The following PCDHGB5 variants were observed in gnomAD, a reference collection of about 807,000 sequenced individuals.
The protein encoded by PCDHGB5 is protocadherin gamma subfamily B, 5.
PCDHGB5 carries 48 observed loss-of-function variants against 62.9 expected under a neutral mutation model. That is an observed-to-expected ratio of 0.76 (90% CI 0.61 to 0.97). The LOEUF (loss-of-function observed/expected upper bound fraction) is 0.97. PCDHGB5 is among the 50% of genes least tolerant of loss of function. The probability of loss-of-function intolerance (pLI) is 0.00; values close to 1 mark genes in which losing one functional copy is unlikely to be tolerated. For synonymous variants in PCDHGB5, 474 were observed against 511.2 expected (o/e 0.93, Z 0.98); for missense variants, 1,118 against 1,198.6 (o/e 0.93, Z 0.99).
intron 1 of PCDHGB5, chr5:141,430,959 T>A: frequency 6.2e-7 from 1 of 1,612,026 alleles, no homozygotes; most frequent in Non-Finnish European, 8.5e-7. Flanking sequence ...GTCCGCATCA[T>A]CCCCAGAGGT....
chr5:141,434,747 C>T (rs2097714000), intron 1 of PCDHGB5, among the ~76,000 whole-genome samples: 1 of 151,606 alleles, frequency 6.6e-6, no homozygotes, highest in South Asian at 2.1e-4. Flanking sequence ...GCTATGAGAC[C>T]CCTGATTCCC....
At position 141,398,812 on chromosome 5, in the gene PCDHGB5, C is replaced by T. The variant is rs1255452758; in HGVS notation, c.685C>T (p.Arg229Trp). ...ACCCCTAAGCGGCACCACTGAGCTC[C>T]GGATCCAGGTAACCGACGCCAATGA... ...HPPLSGTTEL[R>W]IQVTDANDNP... Residue 229 changes from arginine (R) to tryptophan (W), a missense_variant, in exon 1 of 4, where the codon CGG becomes TGG. Physicochemically the swap from Arg to Trp is moderately radical, Grantham distance 101 (BLOSUM62 -3). This residue lies in a region of PCDHGB5 where 1,034 missense variants were observed against 1,029.1 expected (regional missense o/e 1.00). Transcript: ENST00000617380. 1.9e-6 allele frequency: 3 copies of T among 1,613,824 alleles called. No homozygotes were observed. Among genetic ancestry groups the T allele is most frequent in the Admixed American group, 3.3e-5 (2 of 60,012 alleles).
chr5:141,427,483 A>G lies in PCDHGB5; in HGVS notation c.2397+26959A>G, dbSNP rs759092057. The G allele has an allele frequency of 1.5e-4, 79 of 535,350 alleles. 2 individuals carry two copies. The highest frequency in any genetic ancestry group is 1.1e-3 in the South Asian group (73 of 65,268). 33.2% of individuals were successfully genotyped at this position (535,350 alleles called of 1,614,324 possible). ...ATCGAATCTTCCGCCAATAATGACT[A>G]TAAGCTTGTAACAGATGGGACCCTG... On this transcript the variant is annotated intron_variant, in intron 1 of 3. Coordinates refer to ENST00000617380, the MANE Select transcript of PCDHGB5 (RefSeq NM_018925.3).
Position 141,489,764 on chromosome 5 carries a change from A to G in PCDHGB5, c.2398-5043A>G. ...GTGAGCTTTTACACTCTAAGCCCCA[A>G]CAGCCACTTCTCTCTGAATGTGAAG... is the stretch of plus-strand genomic sequence containing the variant. On this transcript the variant is annotated intron_variant, in intron 1 of 3. Transcript: ENST00000617380. The surrounding 1 kb of genome is among the most constrained non-coding windows in gnomAD (Gnocchi z 4.5). 2 of 1,613,556 alleles carry G rather than the reference A, an allele frequency of 1.2e-6. No homozygotes were observed. The highest frequency in any genetic ancestry group is 1.7e-6 in the Non-Finnish European group (2 of 1,179,894).
At chr5:141,501,718 A>G (rs914077060) in intron 2 of PCDHGB5, among the ~76,000 whole-genome samples, 1 of 152,152 alleles carries the variant, frequency 6.6e-6, no homozygotes, top group Non-Finnish European at 1.5e-5. Flanking sequence ...AAAAAGACAA[A>G]TATATTACCC....
intron 1 of PCDHGB5, among the ~76,000 whole-genome samples, chr5:141,474,379 T>A (rs1451968368): frequency 6.6e-6 from 1 of 152,208 alleles, no homozygotes; most frequent in Non-Finnish European, 1.5e-5. Flanking sequence ...GAGGAGGGCA[T>A]TTCTGCATTT....
chr5:141,478,249 A>T, intron 1 of PCDHGB5: 1 of 1,614,110 alleles, frequency 6.2e-7, no homozygotes, highest in African/African-American at 1.3e-5. Context: ...CAGTGTTCGG[A>T]GTAATCATAT....
At chr5:141,433,391 CTA>C (rs1477426085) in intron 1 of PCDHGB5, among the ~76,000 whole-genome samples, 3 of 151,570 alleles carry the variant, frequency 2.0e-5, no homozygotes, top group African/African-American at 7.3e-5. Context: ...ATCTATCTAT[CTA>C]TCTATCTATC....
chr5:141,422,535 A>T lies in PCDHGB5; in HGVS notation c.2397+22011A>T, dbSNP rs760963618. On this transcript the variant is annotated intron_variant, in intron 1 of 3. Transcript: ENST00000617380. ...AGGGAAGCCCGCCTTTGTCTGCAGA[A>T]ACTCATGTCTGGCTGAATGTGGCAG... 20 of 1,613,826 alleles carry T rather than the reference A, an allele frequency of 1.2e-5. 1 individual carries two copies. Among genetic ancestry groups the T allele is most frequent in the Non-Finnish European group, 8.5e-7 (1 of 1,179,882 alleles).
intron 1 of PCDHGB5, chr5:141,418,385 G>T: frequency 6.2e-7 from 1 of 1,613,930 alleles, no homozygotes; most frequent in Non-Finnish European, 8.5e-7. Context: ...AAGTCCTAAC[G>T]AGTATTTCTC....
Position 141,485,633 on chromosome 5 carries a change from T to C in PCDHGB5, c.2398-9174T>C. 2 of 1,611,808 alleles carry C rather than the reference T, an allele frequency of 1.2e-6. No homozygotes were observed. Among genetic ancestry groups the C allele is most frequent in the South Asian group, 1.1e-5 (1 of 90,962 alleles). On this transcript the variant is annotated intron_variant, in intron 1 of 3. Coordinates refer to ENST00000617380, the MANE Select transcript of PCDHGB5 (RefSeq NM_018925.3). The surrounding 1 kb of genome is among the most constrained non-coding windows in gnomAD (Gnocchi z 5.7). Reference sequence around the variant, plus strand: ...AGCTCCTCCAGGACAGCGTTTCCCGTTGGAAAAGGCTCAGGATGCAGATGT... The same window carrying C: ...AGCTCCTCCAGGACAGCGTTTCCCGCTGGAAAAGGCTCAGGATGCAGATGT...
chr5:141,413,723 C>G, intron 1 of PCDHGB5: 1 of 1,613,552 alleles, frequency 6.2e-7, no homozygotes, highest in Non-Finnish European at 8.5e-7. Context: ...AAGCACTTCT[C>G]CCTAAGAGTT....
chr5:141,438,635 T>C (rs1325567714), intron 1 of PCDHGB5, among the ~76,000 whole-genome samples: 9 of 33,420 alleles, frequency 2.7e-4, no homozygotes, highest in East Asian at 1.8e-3. Flanking sequence ...TATATATATA[T>C]ACACACACAC....
chr5:141,471,790 C>T (rs1465283136), intron 1 of PCDHGB5, among the ~76,000 whole-genome samples: 1 of 152,068 alleles, frequency 6.6e-6, no homozygotes, highest in Non-Finnish European at 1.5e-5. Context: ...TATGCTATGT[C>T]ATATAAAAGA....
At chr5:141,415,740 GTTTTTTTTTTTTT>G (rs57426385) in intron 1 of PCDHGB5, 160 of 625,000 alleles carry the variant, frequency 2.6e-4, no homozygotes, top group Middle Eastern at 1.1e-3. Context: ...GTTTATTAAG[GTTTTTTTTTTTTT>G]TTTTTTTTTT....
At chr5:141,510,814 C>T in intron 3 of PCDHGB5, 133 bp from the exon 4 acceptor site, 2 of 1,544,688 alleles carry the variant, frequency 1.3e-6, no homozygotes, top group East Asian at 4.6e-5. Context: ...TTGGTGACCC[C>T]TATATTCCCA....
rs1561685937 is a variant in PCDHGB5 at position 141,403,112 on chromosome 5, C to T, written c.2397+2588C>T. On this transcript the variant is annotated intron_variant, in intron 1 of 3. Coordinates refer to ENST00000617380, the MANE Select transcript of PCDHGB5 (RefSeq NM_018925.3). ...GGGCAACATCTCCAAGGACCTGGCT[C>T]TGGAGCCCCGGGAGCTGGCGGAGCG... 5.6e-6 allele frequency: 9 copies of T among 1,614,074 alleles called. No individual in the cohort carries two copies. In the East Asian group the frequency reaches 2.0e-4, roughly 36 times the overall value.
chr5:141,488,040 G>A (rs1212272063), intron 1 of PCDHGB5, among the ~76,000 whole-genome samples: 1 of 152,112 alleles, frequency 6.6e-6, no homozygotes, highest in Non-Finnish European at 1.5e-5. Flanking sequence ...CATTTCCCAA[G>A]GGATTGAGGG....
At chr5:141,418,265 G>A (rs2096242953) in intron 1 of PCDHGB5, 1 of 1,614,062 alleles carries the variant, frequency 6.2e-7, no homozygotes, top group East Asian at 2.2e-5. Context: ...ATTCCGGAAA[G>A]ATGAAATAAA....
Sources: gnomAD v4.1 joint callset for allele counts (sites outside exome capture counted in the v4.1 genomes callset) on GRCh38, gnomAD v4.1.1 for gene constraint, gnomAD v4.1.1 regional missense constraint, Gnocchi (gnomAD v3.1) non-coding constraint, MANE v1.5 for transcripts, NCBI Gene and HGNC (gene_info 2026-07-23, HGNC 2026-07-21) for gene names.